MAN1A2: variants seen among roughly 807,000 people sequenced by gnomAD.
MAN1A2 encodes the protein mannosidase alpha class 1A member 2, also known as mannosyl-oligosaccharide 1,2-alpha-mannosidase IB.
A neutral mutation model predicts 75.7 loss-of-function variants in MAN1A2; 26 were observed. That is an observed-to-expected ratio of 0.34 (90% CI 0.25 to 0.48). MAN1A2 has a LOEUF of 0.48. Among genes scored for constraint, MAN1A2 ranks in the 20% least tolerant of loss-of-function variants. MAN1A2 has a pLI of 0.99. For synonymous variants in MAN1A2, 247 were observed against 264.6 expected, an observed-to-expected ratio of 0.93 and a Z score of 0.65; for missense variants, 562 against 775.5, an observed-to-expected ratio of 0.72 and a Z score of 3.27.
At chr1:117,436,679 C>G (rs1020902559) in intron 5 of MAN1A2, among the ~76,000 whole-genome samples, 1 of 152,168 alleles carries the variant, frequency 6.6e-6, no homozygotes, top group African/African-American at 2.4e-5. Flanking sequence ...AGAAGAGATA[C>G]CACAAGCTGA....
At chr1:117,463,284 T>C (rs1649882414) in intron 7 of MAN1A2, among the ~76,000 whole-genome samples, 1 of 152,092 alleles carries the variant, frequency 6.6e-6, no homozygotes. Context: ...ATAAGTCTGC[T>C]TCCTACCGTA....
At chr1:117,375,105 G>A (rs1653095060) in intron 1 of MAN1A2, among the ~76,000 whole-genome samples, 1 of 152,036 alleles carries the variant, frequency 6.6e-6, no homozygotes, top group Non-Finnish European at 1.5e-5. Context: ...TTGTTTTCAG[G>A]TGTCATTTCT....
chr1:117,448,654 C>T (rs2101821332), intron 6 of MAN1A2, among the ~76,000 whole-genome samples: 1 of 152,258 alleles, frequency 6.6e-6, no homozygotes, highest in South Asian at 2.1e-4. Flanking sequence ...ATAGAAACCA[C>T]CTAAACTGAA....
At chr1:117,373,810 G>A (rs756125829) in intron 1 of MAN1A2, among the ~76,000 whole-genome samples, 2 of 152,160 alleles carry the variant, frequency 1.3e-5, no homozygotes, top group African/African-American at 2.4e-5. Flanking sequence ...TATTTTTATC[G>A]ATATGGATAC....
At position 117,410,268 on chromosome 1, in the gene MAN1A2, G is replaced by A. The variant is rs1450674191; in HGVS notation, c.656-4445G>A. Among the ~76,000 whole-genome samples the A allele has an allele frequency of 2.0e-5, 3 of 151,866 alleles. No individual in the cohort carries two copies. The East Asian group carries it at 5.8e-4, about 29-fold the overall frequency. On this transcript the variant is annotated intron_variant, in intron 3 of 12. Transcript: ENST00000356554. The stretch of plus-strand genomic sequence containing the variant: ...GAATTTATCATAGAGATACGTGGTA[G>A]GTTTTACATTTGGAAATTAGCTAGT...
chr1:117,376,524 C>T (rs1653150716), intron 1 of MAN1A2, among the ~76,000 whole-genome samples: 1 of 152,222 alleles, frequency 6.6e-6, no homozygotes. Flanking sequence ...ACTATGATTC[C>T]TCTAGTGTTT....
chr1:117,411,817 A>C (rs1355864359), intron 3 of MAN1A2, among the ~76,000 whole-genome samples: 1 of 151,800 alleles, frequency 6.6e-6, no homozygotes, highest in Admixed American at 6.6e-5. Context: ...TTGAGGATCA[A>C]CAATACCAAA....
intron 1 of MAN1A2, 113 bp downstream of exon 1, chr1:117,368,598 A>G: frequency 1.0e-6 from 1 of 969,010 alleles, no homozygotes; most frequent in South Asian, 1.6e-5. Flanking sequence ...TCGAGTCATA[A>G]ATATTGTATT....
At chr1:117,449,747 C>A (rs1472520817) in intron 6 of MAN1A2, among the ~76,000 whole-genome samples, 1 of 152,114 alleles carries the variant, frequency 6.6e-6, no homozygotes, top group Non-Finnish European at 1.5e-5. Context: ...AGTGAAATAG[C>A]CGTATTGCCA....
At chr1:117,377,870 G>A (rs1043524589) in intron 1 of MAN1A2, among the ~76,000 whole-genome samples, 9 of 152,136 alleles carry the variant, frequency 5.9e-5, no homozygotes, top group African/African-American at 1.9e-4. Flanking sequence ...GGAGGCCGAG[G>A]CGGGTGGATC....
At chr1:117,460,375 C>T (rs760724043) in intron 6 of MAN1A2, 114 bp from the exon 7 acceptor site, 32 of 596,916 alleles carry the variant, frequency 5.4e-5, no homozygotes, top group Non-Finnish European at 8.4e-5. Flanking sequence ...AATAAGCTAT[C>T]GTGTCAGATA....
chr1:117,501,948 A>G (rs1274981861), intron 11 of MAN1A2, among the ~76,000 whole-genome samples: 1 of 151,794 alleles, frequency 6.6e-6, no homozygotes, highest in Non-Finnish European at 1.5e-5. Flanking sequence ...TGATTGGTTG[A>G]ATTCTGGACT....
At chr1:117,492,730 G>T (rs1196432509) in intron 8 of MAN1A2, among the ~76,000 whole-genome samples, 1 of 151,962 alleles carries the variant, frequency 6.6e-6, no homozygotes, top group Non-Finnish European at 1.5e-5. Flanking sequence ...CCATTGTATA[G>T]GAACATGTCT....
At chr1:117,486,158 G>A (rs866844816) in intron 8 of MAN1A2, among the ~76,000 whole-genome samples, 2 of 151,928 alleles carry the variant, frequency 1.3e-5, no homozygotes, top group African/African-American at 4.8e-5. Context: ...AGCTGGACAT[G>A]ACAATACGGT....
At chr1:117,464,363 A>AAAAAAAAAG (rs1252461671) in intron 7 of MAN1A2, among the ~76,000 whole-genome samples, 3 of 151,856 alleles carry the variant, frequency 2.0e-5, no homozygotes, top group Non-Finnish European at 2.9e-5. Context: ...TGTCAAAAAA[A>AAAAAAAAAG]AAAGAAACAG....
intron 7 of MAN1A2, among the ~76,000 whole-genome samples, chr1:117,463,015 C>T (rs1009941170): frequency 1.3e-5 from 2 of 151,810 alleles, no homozygotes; most frequent in African/African-American, 4.8e-5. Flanking sequence ...TGAAGTACTT[C>T]ATCAACAGAG....
chr1:117,455,144 T>C lies in MAN1A2; in HGVS notation c.951-5345T>C, dbSNP rs1158003555. Among the ~76,000 whole-genome samples, 3 of 152,284 alleles carry C rather than the reference T, an allele frequency of 2.0e-5. No homozygotes were observed. The East Asian group carries it at 5.8e-4, about 29-fold the overall frequency. On this transcript the variant is annotated intron_variant, in intron 6 of 12. Coordinates refer to ENST00000356554, the MANE Select transcript of MAN1A2 (RefSeq NM_006699.5). Reference sequence around the variant, plus strand: ...ATAGGATATAGGTAAATAGTTGTCATATTCATCCAATGGAATACCATTTAG... The same window carrying C: ...ATAGGATATAGGTAAATAGTTGTCACATTCATCCAATGGAATACCATTTAG...
rs1364213274 is a variant in MAN1A2, at chr1:117,368,151, C to G, written c.-33C>G. 6.4e-7 allele frequency: 1 copy of G among 1,554,270 alleles called. No individual in the cohort carries two copies. The highest frequency in any genetic ancestry group is 1.4e-5 in the African/African-American group (1 of 72,538). ...TTCTACATTTGACATAAGATGAGAACTTTCTAAAGTATTCTCTCCAAGAGC... is the reference window on the plus strand; with the variant it reads ...TTCTACATTTGACATAAGATGAGAAGTTTCTAAAGTATTCTCTCCAAGAGC... On this transcript the variant is annotated 5_prime_UTR_variant, in exon 1 of 13. Coordinates refer to ENST00000356554, the MANE Select transcript of MAN1A2 (RefSeq NM_006699.5).
intron 6 of MAN1A2, among the ~76,000 whole-genome samples, chr1:117,442,694 T>C (rs375300940): frequency 1.9e-4 from 29 of 152,304 alleles, no homozygotes; most frequent in South Asian, 8.3e-4. Context: ...TTTCTTTTTA[T>C]ATACCACCTC....
Sources: allele counts gnomAD v4.1 joint callset (sites outside exome capture counted in the v4.1 genomes callset), GRCh38; gene constraint gnomAD v4.1.1; transcripts MANE v1.5; gene names NCBI Gene and HGNC (gene_info 2026-07-23, HGNC 2026-07-21).